SCAF8: variants seen among roughly 807,000 people sequenced by gnomAD.
SCAF8 encodes SR-related CTD associated factor 8, also known as SR-related and CTD-associated factor 8.
A neutral mutation model predicts 140.5 loss-of-function variants in SCAF8; 23 were observed. The ratio of observed to expected loss-of-function variants is 0.16; its 90% CI spans 0.12 to 0.23. SCAF8 has a LOEUF of 0.23. Ranked by LOEUF, SCAF8 falls within the 10% of genes least tolerant of loss-of-function variation. The pLI, the probability that SCAF8 is intolerant of heterozygous loss-of-function variation, is 1.00. For missense variants in SCAF8, 1,397 were observed against 1,555.7 expected, an observed-to-expected ratio of 0.90 and a Z score of 1.72; for synonymous variants, 575 against 528.9, an observed-to-expected ratio of 1.09 and a Z score of -1.20.
chr6:154,763,343 G>A (rs941788700), intron 1 of SCAF8, among the ~76,000 whole-genome samples: 4 of 152,068 alleles, frequency 2.6e-5, no homozygotes, highest in African/African-American at 9.7e-5. Flanking sequence ...AAGATTTGGG[G>A]GATTCTAATC....
rs554659391 is a variant in SCAF8 at position 154,833,556 on chromosome 6, T to A, written c.*161T>A. ...TTAAAATAATTGTACAACTGACTTG[T>A]ATAGACATTGTTCTTAATATGAACA... is the stretch of plus-strand genomic sequence containing the variant. On this transcript the variant is annotated 3_prime_UTR_variant, in exon 20 of 20. Coordinates refer to ENST00000367178, the MANE Select transcript of SCAF8 (RefSeq NM_014892.5). 2 of 651,540 alleles carry A rather than the reference T, an allele frequency of 3.1e-6. No homozygotes were observed. Among genetic ancestry groups the A allele is most frequent in the Non-Finnish European group, 5.0e-6 (2 of 399,258 alleles). 40.4% of individuals were successfully genotyped at this position (651,540 alleles called of 1,614,324 possible).
intron 1 of SCAF8, among the ~76,000 whole-genome samples, chr6:154,770,183 T>A (rs1388877556): frequency 6.6e-6 from 1 of 152,054 alleles, no homozygotes; most frequent in Non-Finnish European, 1.5e-5. Context: ...GTGTGGTGGC[T>A]CACACCTGTA....
At chr6:154,758,980 C>A (rs1779033194) in intron 1 of SCAF8, among the ~76,000 whole-genome samples, 1 of 152,144 alleles carries the variant, frequency 6.6e-6, no homozygotes, top group Non-Finnish European at 1.5e-5. Flanking sequence ...GCACTGAGAT[C>A]AAAGCTAGGA....
chr6:154,734,041 G>GAGCGGTGGCCT, intron 1 of SCAF8, 111 bp downstream of exon 1: 1 of 1,401,202 alleles, frequency 7.1e-7, no homozygotes, highest in Non-Finnish European at 9.3e-7. Context: ...AGGGTGGGGT[G>GAGCGGTGGCCT]AGCGGTGGCC....
rs545536135 is a variant in SCAF8, at chr6:154,739,372, T to G, written c.30+5442T>G. ...TACCATTAATCACACTTCAAAAAAG[T>G]TAACAGTAAATCTTTAATATAATAA... On this transcript the variant is annotated intron_variant, in intron 1 of 19. Coordinates refer to ENST00000367178, the MANE Select transcript of SCAF8 (RefSeq NM_014892.5). Among the ~76,000 whole-genome samples, 83 of 152,320 alleles carry G rather than the reference T, an allele frequency of 5.4e-4. 1 individual carries two copies. The highest frequency in any genetic ancestry group is 9.8e-4 in the Non-Finnish European group (67 of 68,026).
intron 9 of SCAF8, among the ~76,000 whole-genome samples, chr6:154,807,126 C>CTT (rs1777941019): frequency 6.6e-6 from 1 of 152,162 alleles, no homozygotes. Context: ...TTAATGGTCT[C>CTT]TCTCTTAGCA....
intron 1 of SCAF8, among the ~76,000 whole-genome samples, chr6:154,761,199 T>TACCAC: frequency 6.6e-6 from 1 of 152,190 alleles, no homozygotes; most frequent in Non-Finnish European, 1.5e-5. Context: ...TGCAGTTACA[T>TACCAC]GTGGTATGTT....
chr6:154,781,088 C>T (rs2114857983), intron 3 of SCAF8, among the ~76,000 whole-genome samples: 1 of 152,196 alleles, frequency 6.6e-6, no homozygotes, highest in African/African-American at 2.4e-5. Flanking sequence ...GAGTTTATCT[C>T]GTTGTTTTGC....
At chr6:154,798,265 T>C (rs935033379) in intron 6 of SCAF8, among the ~76,000 whole-genome samples, 2 of 151,558 alleles carry the variant, frequency 1.3e-5, no homozygotes, top group Admixed American at 1.3e-4. Flanking sequence ...GATAATACTT[T>C]GGCTTGAACA....
At chr6:154,766,657 G>GCC (rs1491405574) in intron 1 of SCAF8, among the ~76,000 whole-genome samples, 6 of 116,318 alleles carry the variant, frequency 5.2e-5, no homozygotes, top group East Asian at 3.0e-4. Flanking sequence ...CCCTCCAGCA[G>GCC]CACCCCCCCC....
rs753344031 is a variant in SCAF8 at position 154,741,906 on chromosome 6, T to C, written c.30+7976T>C. On this transcript the variant is annotated intron_variant, in intron 1 of 19. Transcript: ENST00000367178. ...GCTCCTGAACTTTTAAGTGAGCTCA[T>C]TTTGTCTGGTTTTGTGTTCTCAACA... is the stretch of plus-strand genomic sequence containing the variant. 2.3e-6 allele frequency: 3 copies of C among 1,300,286 alleles called. No homozygotes were observed. The South Asian group carries it at 3.8e-5, about 16-fold the overall frequency. 80.5% of individuals were successfully genotyped at this position (1,300,286 alleles called of 1,614,324 possible).
chr6:154,754,163 A>C (rs1236460533), intron 1 of SCAF8, among the ~76,000 whole-genome samples: 2 of 152,072 alleles, frequency 1.3e-5, no homozygotes, highest in Non-Finnish European at 2.9e-5. Context: ...TGAAGACTTA[A>C]AATTCATGTT....
At chr6:154,771,337 G>T (rs991559810) in intron 1 of SCAF8, among the ~76,000 whole-genome samples, 9 of 152,106 alleles carry the variant, frequency 5.9e-5, no homozygotes, top group African/African-American at 2.2e-4. Flanking sequence ...GAGAGACCCT[G>T]GTAGAGAGTA....
At chr6:154,742,528 G>T (rs563672832) in intron 1 of SCAF8, among the ~76,000 whole-genome samples, 1 of 152,174 alleles carries the variant, frequency 6.6e-6, no homozygotes, top group Non-Finnish European at 1.5e-5. Context: ...TCTATAGTTT[G>T]TGATTTCGTA....
intron 18 of SCAF8, among the ~76,000 whole-genome samples, chr6:154,829,209 A>G (rs1342982276): frequency 6.6e-6 from 1 of 151,252 alleles, no homozygotes; most frequent in Non-Finnish European, 1.5e-5. Flanking sequence ...TTCTTTGTAG[A>G]TGTGGTGCCA....
At chr6:154,774,754 A>G (rs984239603) in intron 2 of SCAF8, among the ~76,000 whole-genome samples, 17 of 152,334 alleles carry the variant, frequency 1.1e-4, no homozygotes, top group South Asian at 2.1e-4. Context: ...TTTTGAACCT[A>G]TGTTAACTCA....
At chr6:154,783,382 C>T (rs551377968) in intron 3 of SCAF8, among the ~76,000 whole-genome samples, 12 of 152,256 alleles carry the variant, frequency 7.9e-5, no homozygotes, top group East Asian at 3.9e-4. Flanking sequence ...CTCTTAGATA[C>T]GGTGAGGTCA....
intron 17 of SCAF8, 146 bp downstream of exon 17, chr6:154,824,524 C>T (rs1778508688): frequency 1.4e-6 from 1 of 690,108 alleles, no homozygotes; most frequent in Admixed American, 2.8e-5. Flanking sequence ...GGCCCAGCCT[C>T]CACTGTTTTT....
At chr6:154,758,796 G>A (rs1202209044) in intron 1 of SCAF8, among the ~76,000 whole-genome samples, 2 of 152,156 alleles carry the variant, frequency 1.3e-5, no homozygotes, top group Admixed American at 6.5e-5. Flanking sequence ...TGGTAACAGG[G>A]TCTGCCTTCA....
Sources: allele counts gnomAD v4.1 joint callset (sites outside exome capture counted in the v4.1 genomes callset), GRCh38; gene constraint gnomAD v4.1.1; transcripts MANE v1.5; gene names NCBI Gene and HGNC (gene_info 2026-07-23, HGNC 2026-07-21).